Variants in FAM120A observed in about 807,000 individuals in gnomAD.
FAM120A encodes the protein constitutive coactivator of PPAR-gamma-like protein 1.
Under a neutral mutation model 109.7 loss-of-function variants are expected in FAM120A, and 15 were observed. That is an observed-to-expected ratio of 0.14 (90% CI 0.09 to 0.21). The LOEUF is 0.21. FAM120A is among the 10% of genes least tolerant of loss of function. The pLI, the probability that FAM120A is intolerant of heterozygous loss-of-function variation, is 1.00. For missense variants in FAM120A, 899 were observed against 1,439.3 expected (o/e 0.62, Z 6.07); for synonymous variants, 493 against 572.8 (o/e 0.86, Z 1.99).
At chr9:93,559,117 A>T (rs1311529365) in intron 15 of FAM120A, among the ~76,000 whole-genome samples, 1 of 152,238 alleles carries the variant, frequency 6.6e-6, no homozygotes, top group Non-Finnish European at 1.5e-5. Flanking sequence ...TTCCTGACAT[A>T]AAAAGTCTGT....
chr9:93,477,224 A>C (rs936950590), intron 3 of FAM120A, among the ~76,000 whole-genome samples: 8 of 152,208 alleles, frequency 5.3e-5, no homozygotes, highest in African/African-American at 1.9e-4. Context: ...GGCTAGTTTC[A>C]AATGGGAGTT....
chr9:93,512,627 T>G (rs1223782612), intron 5 of FAM120A, among the ~76,000 whole-genome samples: 1 of 152,158 alleles, frequency 6.6e-6, no homozygotes, highest in Non-Finnish European at 1.5e-5. Flanking sequence ...TGGAGCCCCG[T>G]GTCCCTTCTG....
intron 1 of FAM120A, among the ~76,000 whole-genome samples, chr9:93,461,911 T>C (rs1027584713): frequency 2.6e-5 from 4 of 152,130 alleles, no homozygotes; most frequent in Admixed American, 6.5e-5. Flanking sequence ...AAAACACTTC[T>C]TGTCTTAAGT....
chr9:93,516,600 C>G (rs561058586), intron 7 of FAM120A, among the ~76,000 whole-genome samples: 2 of 152,260 alleles, frequency 1.3e-5, no homozygotes, highest in African/African-American at 2.4e-5. Context: ...GCCACTCACA[C>G]CCGTCACAGC....
intron 3 of FAM120A, among the ~76,000 whole-genome samples, chr9:93,483,258 T>C (rs775812240): frequency 2.6e-4 from 40 of 152,206 alleles, no homozygotes; most frequent in Non-Finnish European, 1.2e-4. Flanking sequence ...TAAGTCGTTA[T>C]ATTATAATAG....
intron 2 of FAM120A, among the ~76,000 whole-genome samples, chr9:93,474,863 G>C (rs1027874936): frequency 3.5e-4 from 53 of 152,226 alleles, no homozygotes; most frequent in Admixed American, 3.0e-3. Context: ...AAAGTGCTGG[G>C]ATTATAGGTG....
chr9:93,549,421 C>T (rs1408803998), intron 11 of FAM120A, among the ~76,000 whole-genome samples: 1 of 152,202 alleles, frequency 6.6e-6, no homozygotes, highest in Non-Finnish European at 1.5e-5. Flanking sequence ...TAGACCAATG[C>T]CTTGGCACCT....
intron 17 of FAM120A, among the ~76,000 whole-genome samples, chr9:93,562,658 TC>T: frequency 1.3e-5 from 2 of 150,028 alleles, no homozygotes; most frequent in African/African-American, 5.0e-5. Flanking sequence ...TTTCTTTCTT[TC>T]TTTTTCTTTT....
In FAM120A at chr9:93,524,019, C is replaced by T. The variant is rs188439845; in HGVS notation, c.1419-3136C>T. On this transcript the variant is annotated intron_variant, in intron 7 of 17. Transcript: ENST00000277165. ...AGCATCTGTCCAGCCAGGCTGAGGC[C>T]TTCTGTTGCCCTGCACCAGCAGGGC... is the stretch of plus-strand genomic sequence containing the variant. Among the ~76,000 whole-genome samples, 52 of 152,350 alleles carry T rather than the reference C, an allele frequency of 3.4e-4. 2 individuals are homozygous for T. The highest frequency in any genetic ancestry group is 1.2e-3 in the African/African-American group (50 of 41,570).
intron 5 of FAM120A, among the ~76,000 whole-genome samples, chr9:93,503,384 A>G (rs1302367904): frequency 6.6e-6 from 1 of 152,230 alleles, no homozygotes; most frequent in Non-Finnish European, 1.5e-5. Context: ...TATCTAAGCA[A>G]TGAAATAATC....
chr9:93,514,496 C>G (rs1310613560), intron 5 of FAM120A, among the ~76,000 whole-genome samples: 2 of 152,188 alleles, frequency 1.3e-5, no homozygotes, highest in African/African-American at 4.8e-5. Context: ...GCCGTGCAAG[C>G]CCCTGGTGGA....
intron 3 of FAM120A, among the ~76,000 whole-genome samples, chr9:93,493,101 G>C (rs192606461): frequency 6.6e-6 from 1 of 152,216 alleles, no homozygotes; most frequent in Non-Finnish European, 1.5e-5. Flanking sequence ...GCAAGGCCCA[G>C]GCTCTCCGGG....
intron 1 of FAM120A, among the ~76,000 whole-genome samples, chr9:93,467,257 C>CG (rs1288127789): frequency 3.3e-5 from 3 of 90,054 alleles, no homozygotes; most frequent in Non-Finnish European, 8.0e-5. Flanking sequence ...CCCCCCCCCC[C>CG]CTTTTCCCCC....
chr9:93,531,836 A>C (rs530201033), intron 9 of FAM120A, among the ~76,000 whole-genome samples: 26 of 152,286 alleles, frequency 1.7e-4, no homozygotes, highest in Non-Finnish European at 3.5e-4. Flanking sequence ...AGTCTTTTCT[A>C]TTCTGTTTCT....
chr9:93,532,048 G>T lies in FAM120A; in HGVS notation c.1735-107G>T. ...AGTTGTTAAGCAGTTGATTTGGAATGGAATTGCAATGTCATTAACTGGAGA... is the reference window on the plus strand; with the variant it reads ...AGTTGTTAAGCAGTTGATTTGGAATTGAATTGCAATGTCATTAACTGGAGA... On this transcript the variant is annotated intron_variant, in intron 9 of 17. Coordinates refer to ENST00000277165, the MANE Select transcript of FAM120A (RefSeq NM_014612.5). The surrounding 1 kb of genome is among the most constrained non-coding windows in gnomAD (Gnocchi z 4.3). 1 of 1,055,276 alleles carries T rather than the reference G, an allele frequency of 9.5e-7. No individual in the cohort carries two copies. 65.4% of individuals were successfully genotyped at this position (1,055,276 alleles called of 1,614,324 possible). A position where few individuals can be genotyped will look rare whatever the true frequency, so the allele number is the denominator to read the frequency against.
At chr9:93,454,270 C>T (rs1298081996) in intron 1 of FAM120A, among the ~76,000 whole-genome samples, 1 of 152,180 alleles carries the variant, frequency 6.6e-6, no homozygotes, top group Non-Finnish European at 1.5e-5. Flanking sequence ...GCGAATTGCA[C>T]AAAATGAATA....
chr9:93,506,590 T>C (rs1405874060), intron 5 of FAM120A, among the ~76,000 whole-genome samples: 1 of 152,034 alleles, frequency 6.6e-6, no homozygotes, highest in Non-Finnish European at 1.5e-5. Context: ...CATGATTTTT[T>C]TTTTTCTTCT....
At chr9:93,492,015 A>T (rs1402863962) in intron 3 of FAM120A, among the ~76,000 whole-genome samples, 2 of 152,204 alleles carry the variant, frequency 1.3e-5, no homozygotes, top group East Asian at 3.8e-4. Flanking sequence ...TACTGCTGTG[A>T]TGAGATGAAC....
intron 1 of FAM120A, among the ~76,000 whole-genome samples, chr9:93,470,658 A>G (rs1053798951): frequency 1.3e-5 from 2 of 152,202 alleles, no homozygotes; most frequent in African/African-American, 2.4e-5. Flanking sequence ...CCGAGGGATC[A>G]TACTTTTATT....
Sources: gnomAD v4.1 joint callset for allele counts (sites outside exome capture counted in the v4.1 genomes callset) on GRCh38, gnomAD v4.1.1 for gene constraint, Gnocchi (gnomAD v3.1) non-coding constraint, MANE v1.5 for transcripts, NCBI Gene and HGNC (gene_info 2026-07-23, HGNC 2026-07-21) for gene names.